Variants in NBEAL1 observed in about 807,000 individuals in gnomAD.
NBEAL1 encodes neurobeachin like 1.
Under a neutral mutation model 351.3 loss-of-function variants are expected in NBEAL1, and 273 were observed. That is an observed-to-expected ratio of 0.78 (90% CI 0.70 to 0.86). The LOEUF (loss-of-function observed/expected upper bound fraction) is 0.86. Ranked by LOEUF, NBEAL1 falls within the 40% of genes least tolerant of loss-of-function variation. The pLI is 0.00. For missense variants in NBEAL1, 2,961 were observed against 3,201.3 expected (o/e 0.92, Z 1.81); for synonymous variants, 1,050 against 1,086.4 (o/e 0.97, Z 0.66).
At chr2:203,148,465 A>G (rs1428388927) in intron 33 of NBEAL1, among the ~76,000 whole-genome samples, 1 of 152,126 alleles carries the variant, frequency 6.6e-6, no homozygotes, top group Non-Finnish European at 1.5e-5. Flanking sequence ...GAAACAAATT[A>G]ATGCTGTCAT....
chr2:203,040,537 A>G, intron 2 of NBEAL1: 3 of 670,452 alleles, frequency 4.5e-6, no homozygotes, highest in Non-Finnish European at 8.3e-6. Context: ...GGGATTTCCA[A>G]ATCTGAAGTC....
intron 55 of NBEAL1, among the ~76,000 whole-genome samples, chr2:203,215,697 A>G (rs2065884132): frequency 1.3e-5 from 2 of 151,670 alleles, no homozygotes; most frequent in Admixed American, 1.3e-4. Flanking sequence ...CAAAAAAAAA[A>G]AAAAGAAAAG....
At position 203,167,352 on chromosome 2, in the gene NBEAL1, A is replaced by G. The variant is rs530940764; in HGVS notation, c.5989A>G (p.Lys1997Glu). ...VDQSNYFLNF[K>E]KEVRNKIYSR... ...CCAATCCAACTACTTTCTCAATTTC[A>G]AAAAAGAGGTATGTATTATGGTTTC... The change falls in exon 38 of 56, where the codon AAA becomes GAA. Residue 1997 changes from lysine to glutamate, a missense_variant. By Grantham distance (56) the Lys-to-Glu change is moderately conservative. Coordinates refer to ENST00000683969, the MANE Select transcript of NBEAL1 (RefSeq NM_001378026.1). 1 of 1,607,908 alleles carries G rather than the reference A, an allele frequency of 6.2e-7. No homozygotes were observed. The highest frequency in any genetic ancestry group is 1.3e-5 in the African/African-American group (1 of 74,690).
chr2:203,127,861 T>G lies in NBEAL1; in HGVS notation c.3329T>G (p.Phe1110Cys). 4 of 1,550,180 alleles carry G rather than the reference T, an allele frequency of 2.6e-6. No homozygotes were observed. Among genetic ancestry groups the G allele is most frequent in the Non-Finnish European group, 3.5e-6 (4 of 1,143,770 alleles). ...RTSLYGLIKY[F>C]LCKGGSHEEI... ...TCTTTGTATGGACTAATTAAATATTTTCTGTGCAAAGGTGGATCTCATGAA... is the reference window on the plus strand; with the variant it reads ...TCTTTGTATGGACTAATTAAATATTGTCTGTGCAAAGGTGGATCTCATGAA... Residue 1110 changes from phenylalanine to cysteine, a missense_variant, in exon 24 of 56, where the codon TTT (phenylalanine) becomes TGT (cysteine). By Grantham distance (205) the Phe-to-Cys change is radical (BLOSUM62 -2). Coordinates refer to ENST00000683969, the MANE Select transcript of NBEAL1 (RefSeq NM_001378026.1).
At chr2:203,079,733 A>T (rs185698202) in intron 8 of NBEAL1, among the ~76,000 whole-genome samples, 113 of 152,298 alleles carry the variant, frequency 7.4e-4, no homozygotes, top group Middle Eastern at 3.4e-3. Context: ...TTATTTAAAG[A>T]TACAAAATTA....
chr2:203,093,258 A>AG (rs2062106167), intron 10 of NBEAL1, among the ~76,000 whole-genome samples: 1 of 129,718 alleles, frequency 7.7e-6, no homozygotes, highest in African/African-American at 2.8e-5. Context: ...AAAAAAAAAA[A>AG]GAATCTGCTT....
At position 203,116,017 on chromosome 2, in the gene NBEAL1, G is replaced by C. The variant is rs1056257155; in HGVS notation, c.2539G>C (p.Glu847Gln). 3.1e-5 allele frequency: 48 copies of C among 1,553,466 alleles called. No homozygotes were observed. Among genetic ancestry groups the C allele is most frequent in the Non-Finnish European group, 3.8e-5 (44 of 1,147,392 alleles). ...PNCLSPWKCQ[E>Q]SDMADLPGNI... The stretch of plus-strand genomic sequence containing the variant: ...TTGTTTAAGCCCTTGGAAGTGTCAA[G>C]AGTCTGACATGGCCGACCTGCCTGG... The change falls in exon 18 of 56, where the codon GAG becomes CAG. Residue 847 changes from glutamate (E) to glutamine (Q), a missense_variant. Transcript: ENST00000683969.
At position 203,137,671 on chromosome 2, in the gene NBEAL1, G is replaced by A. The variant is rs1337853350; in HGVS notation, c.4566-491G>A. On this transcript the variant is annotated intron_variant, in intron 29 of 55. Coordinates refer to ENST00000683969, the MANE Select transcript of NBEAL1 (RefSeq NM_001378026.1). Reference sequence around the variant, plus strand: ...AGATAAATACTCCAAACATTTCAACGTTTCTCCATTGTTGTTAAATTCCAT... The same window carrying A: ...AGATAAATACTCCAAACATTTCAACATTTCTCCATTGTTGTTAAATTCCAT... 5.3e-5 allele frequency among the ~76,000 whole-genome samples: 8 copies of A among 152,074 alleles called. No individual in the cohort carries two copies. The East Asian group carries it at 9.7e-4, about 18-fold the overall frequency.
chr2:203,112,149 G>T, intron 16 of NBEAL1, 51 bp downstream of exon 16: 2 of 1,511,624 alleles, frequency 1.3e-6, no homozygotes, highest in Non-Finnish European at 1.8e-6. Flanking sequence ...GAGAATTCTT[G>T]AAATGTTTTA....
chr2:203,117,458 A>C (rs902178882), intron 18 of NBEAL1, among the ~76,000 whole-genome samples: 2 of 22,792 alleles, frequency 8.8e-5, no homozygotes, highest in Non-Finnish European at 5.2e-4. Context: ...GCGAGACTCC[A>C]TTCAAAAGAA....
chr2:203,188,306 A>G (rs1388880635), intron 44 of NBEAL1, among the ~76,000 whole-genome samples, 166 bp from the exon 45 acceptor site: 1 of 152,190 alleles, frequency 6.6e-6, no homozygotes, highest in Non-Finnish European at 1.5e-5. Context: ...TATATGTAGT[A>G]TATATTGAAT....
rs1354512793 is a variant in NBEAL1, at chr2:203,032,739, A to C, written c.52-9026A>C. 3.2e-5 allele frequency among the ~76,000 whole-genome samples: 4 copies of C among 123,904 alleles called. No homozygotes were observed. The Admixed American group carries it at 4.4e-4, about 14-fold the overall frequency. 81.3% of individuals were successfully genotyped at this position (123,904 alleles called of 152,430 possible). On this transcript the variant is annotated intron_variant, in intron 2 of 55. Coordinates refer to ENST00000683969, the MANE Select transcript of NBEAL1 (RefSeq NM_001378026.1). ...GAGTGCAATGGTGCCATCTTGGCTC[A>C]CTGCAACCTCCACCTCCTGGGCTCA...
chr2:203,144,615 T>C lies in NBEAL1; in HGVS notation c.4864T>C (p.Ser1622Pro). 1 of 1,612,082 alleles carries C rather than the reference T, an allele frequency of 6.2e-7. No homozygotes were observed. Among genetic ancestry groups the C allele is most frequent in the South Asian group, 1.1e-5 (1 of 90,780 alleles). The change falls in exon 32 of 56, where the codon TCA becomes CCA. Residue 1622 changes from serine (S) to proline (P), a missense_variant. By Grantham distance (74) the Ser-to-Pro change is moderately conservative (BLOSUM62 -1). Coordinates refer to ENST00000683969, the MANE Select transcript of NBEAL1 (RefSeq NM_001378026.1). ...TTTCCTCCAGGTTTGTGCAATGGCA[T>C]CAGCTAAGCTAAATACCCTTCTTCA... ...RGNLQVCAMA[S>P]AKLNTLLQTK...
At chr2:203,198,218 G>A (rs1305192999) in intron 48 of NBEAL1, among the ~76,000 whole-genome samples, 1 of 151,472 alleles carries the variant, frequency 6.6e-6, no homozygotes, top group African/African-American at 2.4e-5. Context: ...TTGCCATGTT[G>A]CCCAGGTTGG....
In NBEAL1 at chr2:203,155,676, G is replaced by C. The variant is rs182965187; in HGVS notation, c.5588-2023G>C. 3.3e-5 allele frequency among the ~76,000 whole-genome samples: 5 copies of C among 152,152 alleles called. No homozygotes were observed. In the East Asian group the frequency reaches 9.7e-4, roughly 29 times the overall value. On this transcript the variant is annotated intron_variant, in intron 35 of 55. Coordinates refer to ENST00000683969, the MANE Select transcript of NBEAL1 (RefSeq NM_001378026.1). ...TTGCCCAGGTTGGTCTTGAATTTCTGGGCTCAAGTGATCCTTCCACCTCAG... is the reference window on the plus strand; with the variant it reads ...TTGCCCAGGTTGGTCTTGAATTTCTCGGCTCAAGTGATCCTTCCACCTCAG...
chr2:203,149,930 A>G (rs1339595384), intron 34 of NBEAL1, among the ~76,000 whole-genome samples: 2 of 152,122 alleles, frequency 1.3e-5, no homozygotes, highest in African/African-American at 2.4e-5. Flanking sequence ...ATTCCCTTAT[A>G]AGGATATATC....
chr2:203,088,234 A>T (rs1043328353), intron 10 of NBEAL1, among the ~76,000 whole-genome samples: 10 of 152,234 alleles, frequency 6.6e-5, no homozygotes, highest in Non-Finnish European at 2.9e-5. Context: ...TTGGAATATG[A>T]TTAATTTGAA....
At chr2:203,033,217 G>T (rs188023457) in intron 2 of NBEAL1, among the ~76,000 whole-genome samples, 2,661 of 151,950 alleles carry the variant, frequency 0.018, 48 homozygotes, top group Admixed American at 0.05. Context: ...AGCCAGGATG[G>T]TCTCGATCTC....
At position 203,062,864 on chromosome 2, in the gene NBEAL1, T is replaced by C. The variant is rs72934513; in HGVS notation, c.515+5411T>C. Among the ~76,000 whole-genome samples the C allele has an allele frequency of 0.092, 14,064 of 152,220 alleles. 768 individuals carry two copies. The highest frequency in any genetic ancestry group is 0.12 in the Non-Finnish European group (8,494 of 68,002). Reference sequence around the variant, plus strand: ...AAATCCATTGCTCATGGAAGACCTATACAAAGGGATCTACAGCAATAATTT... The same window carrying C: ...AAATCCATTGCTCATGGAAGACCTACACAAAGGGATCTACAGCAATAATTT... On this transcript the variant is annotated intron_variant, in intron 6 of 55. Coordinates refer to ENST00000683969, the MANE Select transcript of NBEAL1 (RefSeq NM_001378026.1). The surrounding 1 kb of genome is among the most constrained non-coding windows in gnomAD (Gnocchi z 4.2).
Sources: gnomAD v4.1 joint callset for allele counts (sites outside exome capture counted in the v4.1 genomes callset) on GRCh38, gnomAD v4.1.1 for gene constraint, Gnocchi (gnomAD v3.1) non-coding constraint, MANE v1.5 for transcripts, NCBI Gene and HGNC (gene_info 2026-07-23, HGNC 2026-07-21) for gene names.